The following KANSL2 variants were observed in gnomAD, a reference collection of about 807,000 sequenced individuals.
The protein encoded by KANSL2 is NSL complex protein NSL2.
A neutral mutation model predicts 55.6 loss-of-function variants in KANSL2; 34 were observed. The ratio of observed to expected loss-of-function variants is 0.61; its 90% confidence interval spans 0.46 to 0.81. KANSL2 has a LOEUF of 0.81. Ranked by LOEUF, KANSL2 falls within the 40% of genes least tolerant of loss-of-function variation. The probability of loss-of-function intolerance (pLI) is 0.00; values close to 1 mark genes in which losing one functional copy is unlikely to be tolerated. For missense variants in KANSL2, 502 were observed against 609.9 expected, an observed-to-expected ratio of 0.82 and a Z score of 1.86; for synonymous variants, 209 against 214.3, an observed-to-expected ratio of 0.98 and a Z score of 0.22.
intron 5 of KANSL2, among the ~76,000 whole-genome samples, chr12:48,669,539 GCA>G (rs1025240131): frequency 7.3e-5 from 11 of 150,820 alleles, no homozygotes; most frequent in Non-Finnish European, 1.3e-4. Context: ...TTTTTTTGAG[GCA>G]CAGTCTCGCT....
chr12:48,678,263 C>T (rs1164732822), intron 4 of KANSL2, among the ~76,000 whole-genome samples: 1 of 152,114 alleles, frequency 6.6e-6, no homozygotes, highest in Non-Finnish European at 1.5e-5. Context: ...CCTTGAGACA[C>T]AGAAATATGA....
At chr12:48,661,168 T>A in intron 7 of KANSL2, 6 of 823,528 alleles carry the variant, frequency 7.3e-6, no homozygotes, top group Non-Finnish European at 8.8e-6. Context: ...AGGTATCATA[T>A]CCTAACAAGA....
intron 7 of KANSL2, 43 bp from the exon 8 acceptor site, chr12:48,660,662 A>C: frequency 6.3e-7 from 1 of 1,579,716 alleles, no homozygotes; most frequent in Non-Finnish European, 8.6e-7. Flanking sequence ...AATCTATCGA[A>C]AGCATAAAAT....
intron 7 of KANSL2, among the ~76,000 whole-genome samples, chr12:48,666,484 G>C (rs141897689): frequency 0.016 from 2,482 of 151,924 alleles, 29 homozygotes; most frequent in Non-Finnish European, 0.024. Flanking sequence ...CTTGAGGTCA[G>C]GAATTTGAGA....
intron 7 of KANSL2, among the ~76,000 whole-genome samples, chr12:48,665,361 G>A (rs1399130807): frequency 2.0e-5 from 3 of 152,050 alleles, no homozygotes; most frequent in South Asian, 2.1e-4. Context: ...TCAGGAGATC[G>A]AGACCATCCT....
chr12:48,663,981 G>A (rs953473704), intron 7 of KANSL2, among the ~76,000 whole-genome samples: 2 of 134,024 alleles, frequency 1.5e-5, no homozygotes, highest in Non-Finnish European at 3.1e-5. Context: ...GCAATGGCAC[G>A]ATATCGGCTC....
intron 4 of KANSL2, among the ~76,000 whole-genome samples, chr12:48,677,918 A>G (rs564267148): frequency 1.3e-5 from 2 of 152,232 alleles, no homozygotes; most frequent in African/African-American, 4.8e-5. Context: ...TACTTCCTGA[A>G]TAGTTGACCA....
At chr12:48,675,508 A>G (rs900823842) in intron 4 of KANSL2, among the ~76,000 whole-genome samples, 2 of 152,248 alleles carry the variant, frequency 1.3e-5, no homozygotes, top group African/African-American at 4.8e-5. Context: ...CTGAGGCCTT[A>G]ACCTAATATA....
At chr12:48,675,344 T>C (rs1437105571) in intron 4 of KANSL2, among the ~76,000 whole-genome samples, 1 of 152,192 alleles carries the variant, frequency 6.6e-6, no homozygotes, top group African/African-American at 2.4e-5. Flanking sequence ...AGGCAAAGGT[T>C]GCAGTGAGCT....
rs1462556258 is a variant in KANSL2 at position 48,653,880 on chromosome 12, C to G, written c.*164G>C. 6 of 556,984 alleles carry G rather than the reference C, an allele frequency of 1.1e-5. No homozygotes were observed. Among genetic ancestry groups the G allele is most frequent in the South Asian group, 1.1e-4 (3 of 28,422 alleles). The allele number at this position is 556,984 out of a possible 1,614,324, so 34.5% of individuals were successfully genotyped here. On this transcript the variant is annotated 3_prime_UTR_variant, in exon 10 of 10. Transcript: ENST00000420613. ...CTTGCCCTGAGTGGGAAGAAACCCACGGTCCACGTCCTCAAAATTTGGCTT... is the reference window on the plus strand; with the variant it reads ...CTTGCCCTGAGTGGGAAGAAACCCAGGGTCCACGTCCTCAAAATTTGGCTT...
intron 7 of KANSL2, among the ~76,000 whole-genome samples, chr12:48,662,216 T>C (rs550303471): frequency 6.6e-6 from 1 of 152,220 alleles, no homozygotes; most frequent in African/African-American, 2.4e-5. Context: ...GAGATTCTCC[T>C]GCCGCAGACT....
At chr12:48,678,906 T>C (rs1365833190) in intron 4 of KANSL2, 130 bp downstream of exon 4, 2 of 630,218 alleles carry the variant, frequency 3.2e-6, no homozygotes, top group African/African-American at 3.7e-5. Context: ...CACTTTTATA[T>C]ACAGAACCTC....
chr12:48,662,173 C>T (rs1233534759), intron 7 of KANSL2, among the ~76,000 whole-genome samples: 1 of 152,186 alleles, frequency 6.6e-6, no homozygotes, highest in Non-Finnish European at 1.5e-5. Context: ...GGCGTGATCT[C>T]GGCTCACTGC....
rs751194055 is a variant in KANSL2, at chr12:48,660,579, G to A, written c.1014C>T (p.Cys338=). Residue 338 remains cysteine, a synonymous_variant, in exon 8 of 10, where the codon TGC becomes TGT. Transcript: ENST00000420613. The stretch of plus-strand genomic sequence containing the variant: ...TGCAGGGTACCTCTTCAGATCCCTG[G>A]CAGCACTTGAAGAGAACCTGATTCG... ...QDTNQVLFKC[C]QGSEEVPCNK... The A allele has an allele frequency of 6.8e-6, 11 of 1,613,100 alleles. No homozygotes were observed. The South Asian group carries it at 8.8e-5, about 13-fold the overall frequency.
chr12:48,671,729 A>G, intron 5 of KANSL2, 70 bp downstream of exon 5: 1 of 1,444,738 alleles, frequency 6.9e-7, no homozygotes. Flanking sequence ...TCATTAAGTG[A>G]CACATGACTG....
intron 9 of KANSL2, 60 bp from the exon 10 acceptor site, chr12:48,654,235 A>T: frequency 6.5e-7 from 1 of 1,537,458 alleles, no homozygotes; most frequent in Non-Finnish European, 8.8e-7. Flanking sequence ...CTGAAGTATG[A>T]ATCTGACTTA....
At chr12:48,672,393 G>GTATATATATATATACATATATATATATA (rs1939733773) in intron 4 of KANSL2, among the ~76,000 whole-genome samples, 1 of 121,358 alleles carries the variant, frequency 8.2e-6, no homozygotes, top group Non-Finnish European at 1.7e-5. Context: ...ATATATACAT[G>GTATATATATATATACATATATATATATA]TATATATATA....
At chr12:48,663,788 A>C (rs528495086) in intron 7 of KANSL2, among the ~76,000 whole-genome samples, 1 of 152,298 alleles carries the variant, frequency 6.6e-6, no homozygotes, top group South Asian at 2.1e-4. Flanking sequence ...TTAGCAGTTA[A>C]ATTTTGGGAG....
intron 4 of KANSL2, among the ~76,000 whole-genome samples, chr12:48,672,416 T>C (rs1939737776): frequency 8.8e-6 from 1 of 113,412 alleles, no homozygotes; most frequent in African/African-American, 3.5e-5. Flanking sequence ...TACGTATATA[T>C]ATATATATAT....
Sources: gnomAD v4.1 joint callset for allele counts (sites outside exome capture counted in the v4.1 genomes callset) on GRCh38, gnomAD v4.1.1 for gene constraint, MANE v1.5 for transcripts, NCBI Gene and HGNC (gene_info 2026-07-23, HGNC 2026-07-21) for gene names.